Variants in TAF4 observed in about 807,000 individuals in gnomAD.
The protein encoded by TAF4 is TATA-box binding protein associated factor 4, also known as transcription initiation factor TFIID subunit 4.
TAF4 carries 9 observed loss-of-function variants against 90.3 expected under a neutral mutation model. That is an observed-to-expected ratio of 0.10 (90% CI 0.06 to 0.17). The LOEUF is 0.17. TAF4 is among the 10% of genes least tolerant of loss of function. The pLI, the probability that TAF4 is intolerant of heterozygous loss-of-function variation, is 1.00. For synonymous variants in TAF4, 818 were observed against 638.9 expected, an observed-to-expected ratio of 1.28 and a Z score of -4.23; for missense variants, 1,351 against 1,370.7, an observed-to-expected ratio of 0.99 and a Z score of 0.23.
intron 1 of TAF4, among the ~76,000 whole-genome samples, chr20:62,046,451 T>C (rs747722482): frequency 2.6e-5 from 4 of 152,240 alleles, no homozygotes; most frequent in Non-Finnish European, 5.9e-5. Flanking sequence ...AATTGTGCGA[T>C]AGGCGGTCTT....
chr20:62,062,364 G>A (rs192236344), intron 1 of TAF4, among the ~76,000 whole-genome samples: 35 of 152,092 alleles, frequency 2.3e-4, no homozygotes, highest in Middle Eastern at 3.4e-3. Context: ...TTCAAAAGAA[G>A]GTACTCTGGT....
intron 1 of TAF4, among the ~76,000 whole-genome samples, chr20:62,043,835 A>G (rs893093838): frequency 1.3e-5 from 2 of 152,224 alleles, no homozygotes; most frequent in Non-Finnish European, 2.9e-5. Context: ...ACATTGCCTA[A>G]TGATGCGTTT....
intron 1 of TAF4, among the ~76,000 whole-genome samples, chr20:62,017,942 G>C (rs1244624223): frequency 6.6e-6 from 1 of 152,336 alleles, no homozygotes; most frequent in East Asian, 1.9e-4. Flanking sequence ...AATAAAAGTG[G>C]CATTCTGGAC....
intron 14 of TAF4, among the ~76,000 whole-genome samples, chr20:61,991,955 G>A (rs2055634352): frequency 6.6e-6 from 1 of 152,078 alleles, no homozygotes; most frequent in African/African-American, 2.4e-5. Flanking sequence ...ACTTTAGGGA[G>A]GAAATAATCC....
At chr20:61,984,757 A>G (rs555492157) in intron 14 of TAF4, among the ~76,000 whole-genome samples, 1 of 150,592 alleles carries the variant, frequency 6.6e-6, no homozygotes, top group African/African-American at 2.4e-5. Context: ...GCAGAGAGCG[A>G]GAGACTGTCA....
At chr20:62,002,668 T>G (rs908180786) in intron 9 of TAF4, among the ~76,000 whole-genome samples, 10 of 152,146 alleles carry the variant, frequency 6.6e-5, no homozygotes, top group Non-Finnish European at 1.2e-4. Context: ...TTTTTTATTT[T>G]TTGTTGTTGT....
chr20:62,000,843 C>T, intron 9 of TAF4, 122 bp from the exon 10 acceptor site: 1 of 963,316 alleles, frequency 1.0e-6, no homozygotes. Flanking sequence ...AGGCCTCTGT[C>T]CTCCCCGCAC....
chr20:62,044,614 G>A (rs1322343650), intron 1 of TAF4, among the ~76,000 whole-genome samples: 1 of 152,174 alleles, frequency 6.6e-6, no homozygotes, highest in Non-Finnish European at 1.5e-5. Context: ...TGTTATTGTT[G>A]TAATTCTGAA....
At chr20:62,039,305 G>A (rs867712826) in intron 1 of TAF4, among the ~76,000 whole-genome samples, 8 of 152,126 alleles carry the variant, frequency 5.3e-5, no homozygotes, top group East Asian at 3.9e-4. Flanking sequence ...ACACGTGGCC[G>A]ACTGAGTTTC....
intron 13 of TAF4, 131 bp from the exon 14 acceptor site, chr20:61,997,800 C>G (rs977492369): frequency 1.7e-6 from 2 of 1,202,558 alleles, no homozygotes; most frequent in African/African-American, 1.6e-5. Flanking sequence ...TTTTGACTTT[C>G]TCAATAGTAA....
rs375134682 is a variant in TAF4 at position 62,001,156 on chromosome 20, C to G, written c.2487-435G>C. ...CCTGAAAGTTGCTAACCTGACTTTC[C>G]TCCACCCGGAACATTCTGCACGTGT... On this transcript the variant is annotated intron_variant, in intron 9 of 14. Transcript: ENST00000252996. Among the ~76,000 whole-genome samples the G allele has an allele frequency of 1.4e-4, 22 of 152,350 alleles. No homozygotes were observed. In the East Asian group the frequency reaches 4.2e-3, roughly 29 times the overall value.
chr20:62,023,734 C>A (rs2055857173), intron 1 of TAF4, among the ~76,000 whole-genome samples: 1 of 95,354 alleles, frequency 1.0e-5, no homozygotes, highest in African/African-American at 4.2e-5. Flanking sequence ...GGCAACAGAG[C>A]AAGACTCCAT....
In TAF4 at chr20:62,065,461, G is replaced by C; in HGVS notation, c.350C>G (p.Ala117Gly). ...PPSPRRPLVP[A>G]GPAPPAAKLR... is the part of the protein sequence containing the mutation. ...CTTCGCGGCGGGCGGCGCGGGCCCT[G>C]CGGGGACAAGGGGGCGGCGCGGTGA... The change falls in exon 1 of 15, where the codon GCA (alanine) becomes GGA (glycine). Residue 117 changes from alanine to glycine, a missense_variant. This residue lies in a region of TAF4 where 782 missense variants were observed against 536.6 expected (regional missense o/e 1.46). Coordinates refer to ENST00000252996, the MANE Select transcript of TAF4 (RefSeq NM_003185.4). The C allele has an allele frequency of 1.0e-6, 1 of 976,526 alleles. No homozygotes were observed. The highest frequency in any genetic ancestry group is 1.2e-6 in the Non-Finnish European group (1 of 825,274). The allele number at this position is 976,526 out of a possible 1,614,324, so 60.5% of individuals were successfully genotyped here.
intron 1 of TAF4, among the ~76,000 whole-genome samples, chr20:62,036,033 T>TA (rs1568938516): frequency 4.0e-5 from 6 of 149,466 alleles, no homozygotes; most frequent in East Asian, 1.9e-4. Flanking sequence ...CTTTTTTTTT[T>TA]TAAAAAAAAA....
intron 14 of TAF4, chr20:61,978,973 C>A (rs1282451751): frequency 2.0e-5 from 3 of 153,340 alleles, no homozygotes; most frequent in Non-Finnish European, 4.4e-5. Context: ...ATGGCACACT[C>A]CCGCTTCTCC....
chr20:62,060,891 T>C (rs1031262854), intron 1 of TAF4, among the ~76,000 whole-genome samples: 1 of 152,142 alleles, frequency 6.6e-6, no homozygotes, highest in Non-Finnish European at 1.5e-5. Context: ...CCAGTCTGGA[T>C]TAATGTGTGA....
In TAF4 at chr20:62,029,484, G is replaced by A. The variant is rs1041385307; in HGVS notation, c.1361-14777C>T. Among the ~76,000 whole-genome samples the A allele has an allele frequency of 7.4e-4, 105 of 142,244 alleles. 1 individual carries two copies. The highest frequency in any genetic ancestry group is 2.5e-3 in the African/African-American group (94 of 37,756). 93.3% of individuals were successfully genotyped at this position (142,244 alleles called of 152,430 possible). On this transcript the variant is annotated intron_variant, in intron 1 of 14. Transcript: ENST00000252996. The stretch of plus-strand genomic sequence containing the variant: ...GGGCCCAGTGCCCACGTGCGCGCGC[G>A]CGCACACACACACACACACACACTC...
intron 1 of TAF4, among the ~76,000 whole-genome samples, chr20:62,043,653 C>T (rs964123073): frequency 2.0e-5 from 3 of 152,092 alleles, no homozygotes; most frequent in African/African-American, 7.2e-5. Flanking sequence ...TTTTACTGTA[C>T]CTTTTCTATG....
chr20:61,990,096 G>C (rs568706297), intron 14 of TAF4, among the ~76,000 whole-genome samples: 7 of 152,330 alleles, frequency 4.6e-5, no homozygotes, highest in African/African-American at 1.7e-4. Flanking sequence ...TCAGTGCTAA[G>C]CACCTGACCA....
Sources: allele counts gnomAD v4.1 joint callset (sites outside exome capture counted in the v4.1 genomes callset), GRCh38; gene constraint gnomAD v4.1.1; regional missense constraint gnomAD v4.1.1; transcripts MANE v1.5; gene names NCBI Gene and HGNC (gene_info 2026-07-23, HGNC 2026-07-21).